GALNT2: variants seen among roughly 807,000 people sequenced by gnomAD.
GALNT2 encodes the protein polypeptide N-acetylgalactosaminyltransferase 2.
Under a neutral mutation model 81.4 loss-of-function variants are expected in GALNT2, and 31 were observed. The ratio of observed to expected loss-of-function variants is 0.38; its 90% CI spans 0.29 to 0.51. GALNT2 has a LOEUF of 0.51. GALNT2 is among the 20% of genes least tolerant of loss of function. The probability of loss-of-function intolerance (pLI) is 0.87; values close to 1 mark genes in which losing one functional copy is unlikely to be tolerated. For missense variants in GALNT2, 629 were observed against 765.7 expected, an observed-to-expected ratio of 0.82 and a Z score of 2.11; for synonymous variants, 303 against 287.4, an observed-to-expected ratio of 1.05 and a Z score of -0.55.
chr1:230,237,842 T>TAA (rs773679796), intron 6 of GALNT2, among the ~76,000 whole-genome samples: 5 of 140,076 alleles, frequency 3.6e-5, no homozygotes, highest in African/African-American at 5.3e-5. Context: ...GCACAGGCTT[T>TAA]AAAAAAAAAA....
At chr1:230,145,440 G>A (rs116597771) in intron 1 of GALNT2, among the ~76,000 whole-genome samples, 1,562 of 152,332 alleles carry the variant, frequency 0.01, 28 homozygotes, top group African/African-American at 0.036. Flanking sequence ...CCTTTTAGGT[G>A]TCTGGTGTTT....
chr1:230,141,098 G>A (rs986256444), intron 1 of GALNT2, among the ~76,000 whole-genome samples: 5 of 152,210 alleles, frequency 3.3e-5, no homozygotes, highest in Admixed American at 3.3e-4. Flanking sequence ...GTTTCTTCAA[G>A]GGGAATGTGA....
At chr1:230,196,875 C>T (rs531343537) in intron 2 of GALNT2, among the ~76,000 whole-genome samples, 4 of 152,254 alleles carry the variant, frequency 2.6e-5, no homozygotes, top group South Asian at 2.1e-4. Flanking sequence ...TGGTGCTTCC[C>T]GTCTCTGCAC....
chr1:230,262,529 CAGAA>C, intron 11 of GALNT2, 40 bp from the exon 12 acceptor site: 4 of 1,536,772 alleles, frequency 2.6e-6, no homozygotes, highest in Non-Finnish European at 2.7e-6. Flanking sequence ...GTGATGCAGA[CAGAA>C]AGAAAGGAAA....
chr1:230,180,404 C>G (rs1395884410), intron 2 of GALNT2, among the ~76,000 whole-genome samples: 1 of 137,008 alleles, frequency 7.3e-6, no homozygotes, highest in East Asian at 2.3e-4. Context: ...GCTCCTTTGT[C>G]AGAGATCAGT....
intron 1 of GALNT2, among the ~76,000 whole-genome samples, chr1:230,175,500 G>T (rs1380423384): frequency 2.6e-5 from 4 of 151,894 alleles, no homozygotes; most frequent in Admixed American, 6.6e-5. Flanking sequence ...CGTAAATACT[G>T]TGTTAGGCAG....
intron 3 of GALNT2, among the ~76,000 whole-genome samples, chr1:230,212,224 T>C (rs892763594): frequency 6.6e-6 from 1 of 152,114 alleles, no homozygotes; most frequent in African/African-American, 2.4e-5. Context: ...TGTCTAACAG[T>C]TGTGGCTCCC....
chr1:230,096,043 G>A (rs1255828074), intron 1 of GALNT2, among the ~76,000 whole-genome samples: 2 of 152,236 alleles, frequency 1.3e-5, no homozygotes, highest in African/African-American at 4.8e-5. Flanking sequence ...CCAGGGCTGT[G>A]GGCCTGGCTG....
intron 3 of GALNT2, among the ~76,000 whole-genome samples, chr1:230,214,882 T>C (rs1362930735): frequency 6.6e-6 from 1 of 152,260 alleles, no homozygotes; most frequent in East Asian, 1.9e-4. Context: ...TCATTGATCC[T>C]TTCCTCTGCT....
intron 15 of GALNT2, among the ~76,000 whole-genome samples, chr1:230,276,968 T>A (rs147475599): frequency 2.8e-3 from 425 of 152,362 alleles, no homozygotes; most frequent in Middle Eastern, 6.8e-3. Context: ...AATGGATTGA[T>A]AAAGTGATGA....
chr1:230,088,074 C>T (rs1159485569), intron 1 of GALNT2, among the ~76,000 whole-genome samples: 1 of 152,008 alleles, frequency 6.6e-6, no homozygotes, highest in Non-Finnish European at 1.5e-5. Context: ...TTGCATCTCC[C>T]CCCGCCCCCA....
chr1:230,100,883 G>A (rs898827438), intron 1 of GALNT2, among the ~76,000 whole-genome samples: 4 of 152,144 alleles, frequency 2.6e-5, no homozygotes, highest in Non-Finnish European at 4.4e-5. Flanking sequence ...GTACACATGC[G>A]TATACAGTCA....
chr1:230,222,805 T>C (rs979851314), intron 3 of GALNT2, among the ~76,000 whole-genome samples: 1 of 152,172 alleles, frequency 6.6e-6, no homozygotes, highest in African/African-American at 2.4e-5. Context: ...ACAGCAACCC[T>C]ATGAGGCATA....
intron 2 of GALNT2, among the ~76,000 whole-genome samples, chr1:230,189,071 G>A (rs1465811720): frequency 3.3e-5 from 5 of 152,178 alleles, no homozygotes; most frequent in Admixed American, 3.3e-4. Context: ...TGCCTCTGAG[G>A]ACAGCTGTTG....
rs1000680867 is a variant in GALNT2, at chr1:230,070,606, C to T, written c.126+3200C>T. Among the ~76,000 whole-genome samples, 3 of 152,162 alleles carry T rather than the reference C, an allele frequency of 2.0e-5. No individual in the cohort carries two copies. Among genetic ancestry groups the T allele is most frequent in the Non-Finnish European group, 4.4e-5 (3 of 68,026 alleles). On this transcript the variant is annotated intron_variant, in intron 1 of 15. Coordinates refer to ENST00000366672, the MANE Select transcript of GALNT2 (RefSeq NM_004481.5). The surrounding 1 kb of genome is among the most constrained non-coding windows in gnomAD (Gnocchi z 4.7). The stretch of plus-strand genomic sequence containing the variant: ...GCCTGTCCACTTTGCACAGTAGCAT[C>T]ACCCTTATTCCCTGAGCTGGCACGA...
chr1:230,208,789 G>T (rs1664143563), intron 3 of GALNT2, among the ~76,000 whole-genome samples: 1 of 152,136 alleles, frequency 6.6e-6, no homozygotes, highest in Admixed American at 6.5e-5. Context: ...GGAGCCTCAG[G>T]GGAGTGTCTA....
intron 14 of GALNT2, among the ~76,000 whole-genome samples, chr1:230,270,952 T>C (rs142918172): frequency 3.3e-5 from 5 of 152,370 alleles, no homozygotes; most frequent in Admixed American, 1.3e-4. Context: ...CTGTGTAAAG[T>C]CTGCTTTACA....
intron 1 of GALNT2, among the ~76,000 whole-genome samples, chr1:230,146,869 A>G (rs976432938): frequency 6.6e-6 from 1 of 152,096 alleles, no homozygotes; most frequent in Non-Finnish European, 1.5e-5. Context: ...AGGTTAGGTA[A>G]GAACCACGCA....
In GALNT2 at chr1:230,235,264, G is replaced by A. The variant is rs545073004; in HGVS notation, c.375-750G>A. On this transcript the variant is annotated intron_variant, in intron 3 of 15. Coordinates refer to ENST00000366672, the MANE Select transcript of GALNT2 (RefSeq NM_004481.5). ...CTACTTACTGTTCTTCTAGTCTTGT[G>A]TCTGTCTGTAGAGCCCAAATTTGAG... Among the ~76,000 whole-genome samples the A allele has an allele frequency of 4.7e-5, 7 of 148,860 alleles. No homozygotes were observed. The South Asian group carries it at 1.5e-3, about 32-fold the overall frequency.
Sources: allele counts gnomAD v4.1 joint callset (sites outside exome capture counted in the v4.1 genomes callset), GRCh38; gene constraint gnomAD v4.1.1; non-coding constraint Gnocchi (gnomAD v3.1); transcripts MANE v1.5; gene names NCBI Gene and HGNC (gene_info 2026-07-23, HGNC 2026-07-21).